Variants in ZNF416 observed in about 807,000 individuals in gnomAD.
The protein encoded by ZNF416 is zinc finger protein 416.
ZNF416 carries 5 observed loss-of-function variants against 10.9 expected under a neutral mutation model. That is an observed-to-expected ratio of 0.46 (90% CI 0.24 to 0.97). ZNF416 has a LOEUF of 0.97. ZNF416 is among the 50% of genes least tolerant of loss of function. ZNF416 has a pLI of 0.19. For synonymous variants in ZNF416, 267 were observed against 251.8 expected (o/e 1.06, Z -0.57); for missense variants, 675 against 715.0 (o/e 0.94, Z 0.64).
intron 3 of ZNF416, among the ~76,000 whole-genome samples, chr19:57,574,022 AAAAACAAAAC>A (rs1167636627): frequency 2.6e-5 from 4 of 152,164 alleles, no homozygotes; most frequent in African/African-American, 4.8e-5. Flanking sequence ...AAACTGTCTC[AAAAACAAAAC>A]AAAACAAAAC....
Position 57,578,247 on chromosome 19 carries a change from C to T in ZNF416, c.34-149G>A, listed in dbSNP as rs544033803. 9 of 776,156 alleles carry T rather than the reference C, an allele frequency of 1.2e-5. No homozygotes were observed. In the African/African-American group the frequency reaches 1.2e-4, roughly 10 times the overall value. 48.1% of individuals were successfully genotyped at this position (776,156 alleles called of 1,614,324 possible). A position where few individuals can be genotyped will look rare whatever the true frequency, so the allele number is the denominator to read the frequency against. On this transcript the variant is annotated intron_variant, in intron 1 of 3. Transcript: ENST00000196489. ...CTCCTCAGTTCCGTGTGACTCTTAC[C>T]TGCTGTGGGACCTTGCACAAGGACT...
At position 57,572,503 on chromosome 19, in the gene ZNF416, T is replaced by C. The variant is rs372568260; in HGVS notation, c.1401A>G (p.Val467=). ...HKVHTAERPY[V]CGECGKAFMF... ...TAAAAGCTTTCCCACATTCCCCACA[T>C]ACATAAGGCCTTTCTGCAGTGTGAA... Residue 467 remains valine (V), a synonymous_variant, in exon 4 of 4, where the codon GTA becomes GTG. Coordinates refer to ENST00000196489, the MANE Select transcript of ZNF416 (RefSeq NM_017879.3). The surrounding 1 kb of genome is among the most constrained non-coding windows in gnomAD (Gnocchi z 4.5). 14 of 1,613,650 alleles carry C rather than the reference T, an allele frequency of 8.7e-6. No individual in the cohort carries two copies. The highest frequency in any genetic ancestry group is 1.7e-5 in the Admixed American group (1 of 59,978).
chr19:57,572,216 G>C lies in ZNF416; in HGVS notation c.1688C>G (p.Ser563Cys). Residue 563 changes from serine (S) to cysteine (C), a missense_variant, in exon 4 of 4, where the codon TCT becomes TGT. Transcript: ENST00000196489. The surrounding 1 kb of genome is among the most constrained non-coding windows in gnomAD (Gnocchi z 4.5). ...AGATTTTCGGTGGAGAATGAGGCCA[G>C]AGTGTTGTGTAAAGGACTTCCCACA... ...GKCGKSFTQH[S>C]GLILHRKSHT... 3 of 1,614,234 alleles carry C rather than the reference G, an allele frequency of 1.9e-6. 1 individual carries two copies. The South Asian group carries it at 3.3e-5, about 18-fold the overall frequency.
rs761982064 is a variant in ZNF416 at position 57,573,006 on chromosome 19, A to C, written c.898T>G (p.Cys300Gly). The change falls in exon 4 of 4, where the codon TGT becomes GGT. Residue 300 changes from cysteine (C) to glycine (G), a missense_variant. Physicochemically the swap from Cys to Gly is radical, Grantham distance 159. Transcript: ENST00000196489. The stretch of plus-strand genomic sequence containing the variant: ...CTAAATGATTTCCCACACTGACCAC[A>C]CACATAAGGCCTTTCTCCAGTGTGG... ...RIHTGERPYV[C>G]GQCGKSFSQR... is the part of the protein sequence containing the mutation. 1 of 1,614,226 alleles carries C rather than the reference A, an allele frequency of 6.2e-7. No individual in the cohort carries two copies. The highest frequency in any genetic ancestry group is 1.7e-5 in the Admixed American group (1 of 60,026).
At chr19:57,574,516 C>A (rs1251490251) in intron 3 of ZNF416, among the ~76,000 whole-genome samples, 1 of 152,186 alleles carries the variant, frequency 6.6e-6, no homozygotes, top group Non-Finnish European at 1.5e-5. Flanking sequence ...TCTACTACCT[C>A]CATTAATTAA....
Position 57,572,118 on chromosome 19 carries a change from G to A in ZNF416, c.*1C>T, listed in dbSNP as rs2090196317. On this transcript the variant is annotated 3_prime_UTR_variant, in exon 4 of 4. Transcript: ENST00000196489. The surrounding 1 kb of genome is among the most constrained non-coding windows in gnomAD (Gnocchi z 4.5). The stretch of plus-strand genomic sequence containing the variant: ...TTTTCTCAGGTTTGGAGTTTCAAGA[G>A]TTAAACAATGTTAGATCTTGGGCTG... 4 of 1,606,822 alleles carry A rather than the reference G, an allele frequency of 2.5e-6. No homozygotes were observed. The highest frequency in any genetic ancestry group is 3.4e-6 in the Non-Finnish European group (4 of 1,174,244).
Position 57,578,061 on chromosome 19 carries a change from G to A in ZNF416, c.71C>T (p.Thr24Ile), listed in dbSNP as rs1978607284. The change falls in exon 2 of 4, where the codon ACA (threonine) becomes ATA (isoleucine). Residue 24 changes from threonine (T) to isoleucine (I), a missense_variant. By Grantham distance (89) the Thr-to-Ile change is moderately conservative. Transcript: ENST00000196489. ...CCCGAAACACTCTCCACTCACCTGT[G>A]TAAAGCCCATAAGTTTAGCTTCTGC... ...VTAEAKLMGF[T>I]QGCVTFEDVA... 10 of 1,614,058 alleles carry A rather than the reference G, an allele frequency of 6.2e-6. No individual in the cohort carries two copies. Among genetic ancestry groups the A allele is most frequent in the South Asian group, 3.3e-5 (3 of 91,088 alleles).
At chr19:57,574,592 A>C (rs536301674) in intron 3 of ZNF416, among the ~76,000 whole-genome samples, 1 of 152,258 alleles carries the variant, frequency 6.6e-6, no homozygotes, top group Non-Finnish European at 1.5e-5. Context: ...ATGAATTCAC[A>C]GTATTGCTTT....
rs374897655 is a variant in ZNF416, at chr19:57,574,255, G to A, written c.203-554C>T. Among the ~76,000 whole-genome samples, 8 of 152,106 alleles carry A rather than the reference G, an allele frequency of 5.3e-5. No individual in the cohort carries two copies. The South Asian group carries it at 8.3e-4, about 16-fold the overall frequency. Reference sequence around the variant, plus strand: ...CCAAGGTCAGGCAGGAGACAACTACGCCTAGTGAGCCCCTTTGCCCCAAAG... The same window carrying A: ...CCAAGGTCAGGCAGGAGACAACTACACCTAGTGAGCCCCTTTGCCCCAAAG... On this transcript the variant is annotated intron_variant, in intron 3 of 3. Coordinates refer to ENST00000196489, the MANE Select transcript of ZNF416 (RefSeq NM_017879.3).
At chr19:57,573,728 T>G in intron 3 of ZNF416, 27 bp from the exon 4 acceptor site, 1 of 1,594,994 alleles carries the variant, frequency 6.3e-7, no homozygotes, top group Non-Finnish European at 8.6e-7. Context: ...ACTGATGAAA[T>G]GCACGTTGAC....
rs1419233718 is a variant in ZNF416, at chr19:57,572,955, G to A, written c.949C>T (p.His317Tyr). The A allele has an allele frequency of 6.2e-7, 1 of 1,614,144 alleles. No homozygotes were observed. The highest frequency in any genetic ancestry group is 1.7e-5 in the Admixed American group (1 of 60,024). ...GGCCTTTCTCCAGTGTGAACTCTGTGATGTTTAATGAGGGTGGCTCTTTGG... is the reference window on the plus strand; with the variant it reads ...GGCCTTTCTCCAGTGTGAACTCTGTAATGTTTAATGAGGGTGGCTCTTTGG... ...FSQRATLIKHHRVHTGERPYE... is the reference protein window; with the variant it reads ...FSQRATLIKHYRVHTGERPYE... Residue 317 changes from histidine (H) to tyrosine (Y), a missense_variant, in exon 4 of 4, where the codon CAC becomes TAC. Transcript: ENST00000196489. This position sits in a 1 kb window ranked among gnomAD's most constrained non-coding sequence, Gnocchi z 4.5.
intron 2 of ZNF416, among the ~76,000 whole-genome samples, chr19:57,577,584 C>T (rs992924426): frequency 6.6e-6 from 1 of 152,154 alleles, no homozygotes; most frequent in East Asian, 1.9e-4. Context: ...CTATCTCATA[C>T]CTCACACTCA....
Position 57,572,068 on chromosome 19 carries a change from G to A in ZNF416, c.*51C>T. ...TAGCCATAACACTGAAGAAAGACAT[G>A]GCACATTCCCTGCAGGTCTAAGGCT... On this transcript the variant is annotated 3_prime_UTR_variant, in exon 4 of 4. Coordinates refer to ENST00000196489, the MANE Select transcript of ZNF416 (RefSeq NM_017879.3). This position sits in a 1 kb window ranked among gnomAD's most constrained non-coding sequence, Gnocchi z 4.5. 6.4e-7 allele frequency: 1 copy of A among 1,568,080 alleles called. No homozygotes were observed. Among genetic ancestry groups the A allele is most frequent in the East Asian group, 2.3e-5 (1 of 44,410 alleles).
At chr19:57,573,722 A>C in intron 3 of ZNF416, 21 bp from the exon 4 acceptor site, 6 of 1,598,312 alleles carry the variant, frequency 3.8e-6, no homozygotes, top group Non-Finnish European at 5.1e-6. Context: ...AGAAACACTG[A>C]TGAAATGCAC....
chr19:57,577,944 G>A (rs968238819), intron 2 of ZNF416, 113 bp downstream of exon 2: 2 of 1,175,556 alleles, frequency 1.7e-6, no homozygotes, highest in Admixed American at 1.8e-5. Context: ...TGTTTGTTCA[G>A]GATTCCTAGA....
rs926722060 is a variant in ZNF416, at chr19:57,575,733, G to A, written c.202+71C>T. ...GGGAAGTCAGCAAAGCCCACGGTCC[G>A]GCAGAGCTGCCTCTGAGGAAAAAGA... is the stretch of plus-strand genomic sequence containing the variant. On this transcript the variant is annotated intron_variant, in intron 3 of 3. Coordinates refer to ENST00000196489, the MANE Select transcript of ZNF416 (RefSeq NM_017879.3). This position sits in a 1 kb window ranked among gnomAD's most constrained non-coding sequence, Gnocchi z 4.4. 20 of 1,606,496 alleles carry A rather than the reference G, an allele frequency of 1.2e-5. No individual in the cohort carries two copies. The highest frequency in any genetic ancestry group is 5.4e-5 in the African/African-American group (4 of 74,760).
chr19:57,571,674 A>C lies in ZNF416; in HGVS notation c.*445T>G, dbSNP rs2090193728. 6.2e-6 allele frequency: 1 copy of C among 161,458 alleles called. No homozygotes were observed. The allele number at this position is 161,458 out of a possible 1,614,324, so 10.0% of individuals were successfully genotyped here. On this transcript the variant is annotated 3_prime_UTR_variant, in exon 4 of 4. Transcript: ENST00000196489. ...GAAAAACTACCAAGTGTTGTGTGAA[A>C]ACAAGAATTTCCATGAAGGGAAGCC...
Position 57,573,362 on chromosome 19 carries a change from AG to A in ZNF416, c.541del (p.Leu181Ter), listed in dbSNP as rs768250435. The A allele has an allele frequency of 6.2e-7, 1 of 1,614,236 alleles. No homozygotes were observed. The highest frequency in any genetic ancestry group is 8.5e-7 in the Non-Finnish European group (1 of 1,180,028). On this transcript the variant is annotated frameshift_variant, in exon 4 of 4. Coordinates refer to ENST00000196489, the MANE Select transcript of ZNF416 (RefSeq NM_017879.3). LOFTEE classifies it low-confidence loss of function (END_TRUNC). Reference sequence around the variant, plus strand: ...CGGCTGAAGAATGCCCAATGGGGCTAGGAAGTCCTTCCCAACCTCACTGCTG... The same window carrying A: ...CGGCTGAAGAATGCCCAATGGGGCTAGAAGTCCTTCCCAACCTCACTGCTG... ...FTSSEVGKDF[L>X]APLGILQPQA...
chr19:57,574,363 A>G (rs967810330), intron 3 of ZNF416, among the ~76,000 whole-genome samples: 1 of 152,192 alleles, frequency 6.6e-6, no homozygotes, highest in Non-Finnish European at 1.5e-5. Context: ...CTGTGGCTTA[A>G]TATTTTCCCT....
Sources: gnomAD v4.1 joint callset for allele counts (sites outside exome capture counted in the v4.1 genomes callset) on GRCh38, gnomAD v4.1.1 for gene constraint, Gnocchi (gnomAD v3.1) non-coding constraint, MANE v1.5 for transcripts, NCBI Gene and HGNC (gene_info 2026-07-23, HGNC 2026-07-21) for gene names.